PACS2: variants seen among roughly 807,000 people sequenced by gnomAD.
The protein encoded by PACS2 is PACS1-like protein.
Under a neutral mutation model 113.0 loss-of-function variants are expected in PACS2, and 36 were observed. The observed-to-expected ratio is 0.32, with a 90% CI of 0.24 to 0.42. PACS2 has a LOEUF of 0.42. Among genes scored for constraint, PACS2 ranks in the 10% least tolerant of loss-of-function variants. The pLI is 1.00. For synonymous variants in PACS2, 589 were observed against 536.1 expected, an observed-to-expected ratio of 1.10 and a Z score of -1.36; for missense variants, 1,015 against 1,239.5, an observed-to-expected ratio of 0.82 and a Z score of 2.72.
At chr14:105,370,036 C>G in intron 8 of PACS2, 136 bp downstream of exon 8, 1 of 767,006 alleles carries the variant, frequency 1.3e-6, no homozygotes, top group Non-Finnish European at 2.1e-6. Context: ...CAGCATCGCA[C>G]AGTCTGCGAG....
rs1414747254 is a variant in PACS2, at chr14:105,390,822, G to A, written c.2077-385G>A. The A allele has an allele frequency of 1.4e-5, 4 of 289,608 alleles. No homozygotes were observed. The Admixed American group carries it at 1.9e-4, about 14-fold the overall frequency. 17.9% of individuals were successfully genotyped at this position (289,608 alleles called of 1,614,324 possible). The stretch of plus-strand genomic sequence containing the variant: ...AACCAAGGCCCTGCGGTGTCACTGG[G>A]ATTCACGGTAGATCTACGTAGCCGC... On this transcript the variant is annotated intron_variant, in intron 20 of 24. Transcript: ENST00000447393.
chr14:105,308,209 C>T (rs1006990973), intron 1 of PACS2, among the ~76,000 whole-genome samples: 1 of 151,684 alleles, frequency 6.6e-6, no homozygotes, highest in Admixed American at 6.6e-5. Flanking sequence ...AGGCCGGGCA[C>T]AGTGGCTCAC....
chr14:105,336,877 A>G (rs1435535742), intron 1 of PACS2, among the ~76,000 whole-genome samples: 2 of 152,170 alleles, frequency 1.3e-5, no homozygotes, highest in East Asian at 3.8e-4. Context: ...TAGCAGTTGC[A>G]CTTCTCAGTA....
chr14:105,312,504 C>T (rs2058374049), upstream of PACS2, among the ~76,000 whole-genome samples: 1 of 152,168 alleles, frequency 6.6e-6, no homozygotes, highest in Non-Finnish European at 1.5e-5. Flanking sequence ...AAACCAAGTT[C>T]CTGCTTTAAA....
intron 1 of PACS2, among the ~76,000 whole-genome samples, chr14:105,322,287 T>C (rs959127056): frequency 3.3e-5 from 5 of 151,418 alleles, no homozygotes; most frequent in African/African-American, 1.2e-4. Flanking sequence ...TCTTTTGAGA[T>C]GGAGTCTTGC....
intron 1 of PACS2, among the ~76,000 whole-genome samples, chr14:105,336,075 G>A (rs1174650961): frequency 6.6e-6 from 1 of 152,212 alleles, no homozygotes; most frequent in Admixed American, 6.5e-5. Flanking sequence ...GCCGCCACAG[G>A]CCCCCAGCTC....
At chr14:105,319,953 T>G (rs2058826869) in intron 1 of PACS2, among the ~76,000 whole-genome samples, 1 of 152,258 alleles carries the variant, frequency 6.6e-6, no homozygotes, top group Non-Finnish European at 1.5e-5. Context: ...ATTACTATTG[T>G]GGTAAATTAC....
chr14:105,349,849 TGC>T (rs1566927843), intron 2 of PACS2, among the ~76,000 whole-genome samples: 6 of 135,588 alleles, frequency 4.4e-5, no homozygotes, highest in Admixed American at 1.4e-4. Context: ...GCGTGGCTAA[TGC>T]AGGACCCGGA....
chr14:105,367,139 C>A, intron 4 of PACS2, 74 bp from the exon 5 acceptor site: 1 of 1,406,530 alleles, frequency 7.1e-7, no homozygotes, highest in South Asian at 1.2e-5. Flanking sequence ...CTTCAGAAAC[C>A]CCAGCCCACA....
intron 1 of PACS2, among the ~76,000 whole-genome samples, chr14:105,338,467 TC>T (rs1250987299): frequency 1.3e-5 from 2 of 152,164 alleles, no homozygotes; most frequent in African/African-American, 4.8e-5. Flanking sequence ...CCCACCTTGT[TC>T]CTTGGGCCTC....
chr14:105,364,985 A>G (rs1555407607), intron 4 of PACS2, among the ~76,000 whole-genome samples: 1 of 152,196 alleles, frequency 6.6e-6, no homozygotes, highest in East Asian at 1.9e-4. Flanking sequence ...GGCGTGAACC[A>G]TTATGCCCGG....
In PACS2 at chr14:105,382,072, G is replaced by T; in HGVS notation, c.1413+14G>T. 1 of 1,544,068 alleles carries T rather than the reference G, an allele frequency of 6.5e-7. No individual in the cohort carries two copies. The highest frequency in any genetic ancestry group is 8.7e-7 in the Non-Finnish European group (1 of 1,144,662). ...GTGCAGCTGCAGGTGGGGGTGGAGG[G>T]CGTGGCACGCCCAGGAGGCAGGGCT... On this transcript the variant is annotated intron_variant, in intron 13 of 24. Transcript: ENST00000447393.
Position 105,365,421 on chromosome 14 carries a change from G to A in PACS2, c.424-1792G>A, listed in dbSNP as rs1411358041. ...AGGTCGACCACAGGCTGAGTGGAGCGGGGGCTAATCAACAACCCGCCCCTG... is the reference window on the plus strand; with the variant it reads ...AGGTCGACCACAGGCTGAGTGGAGCAGGGGCTAATCAACAACCCGCCCCTG... On this transcript the variant is annotated intron_variant, in intron 4 of 24. Transcript: ENST00000447393. This position sits in a 1 kb window ranked among gnomAD's most constrained non-coding sequence, Gnocchi z 5.1. Among the ~76,000 whole-genome samples, 6 of 152,114 alleles carry A rather than the reference G, an allele frequency of 3.9e-5. No individual in the cohort carries two copies. Among genetic ancestry groups the A allele is most frequent in the African/African-American group, 9.7e-5 (4 of 41,424 alleles).
intron 7 of PACS2, among the ~76,000 whole-genome samples, chr14:105,369,589 G>A (rs1555408833): frequency 6.6e-6 from 1 of 152,194 alleles, no homozygotes; most frequent in East Asian, 1.9e-4. Context: ...AAGGGCTGCA[G>A]AGGCTTCTGG....
At chr14:105,377,025 G>A (rs1203335244) in intron 9 of PACS2, 100 bp downstream of exon 9, 1 of 1,297,730 alleles carries the variant, frequency 7.7e-7, no homozygotes, top group East Asian at 2.5e-5. Context: ...TGGAGACGGG[G>A]TGGGCAGGGC....
upstream of PACS2, chr14:105,314,696 G>GGGGGCGCGCGGGGCGCGGGC (rs2058480258): frequency 7.0e-6 from 1 of 142,658 alleles, no homozygotes; most frequent in Admixed American, 6.9e-5. Context: ...CGGGGCGGCC[G>GGGGGCGCGCGGGGCGCGGGC]GGGGCGCGCG....
chr14:105,359,069 G>A (rs1321126083), intron 4 of PACS2, among the ~76,000 whole-genome samples: 1 of 152,104 alleles, frequency 6.6e-6, no homozygotes, highest in East Asian at 1.9e-4. Flanking sequence ...TCCAGGGCCT[G>A]GTCACACACA....
intron 1 of PACS2, among the ~76,000 whole-genome samples, chr14:105,307,037 A>G (rs201039478): frequency 6.7e-6 from 1 of 149,796 alleles, no homozygotes; most frequent in South Asian, 2.1e-4. Context: ...TATTTACTTT[A>G]TTTTTTCTTT....
chr14:105,374,171 A>G (rs901213047), intron 8 of PACS2, among the ~76,000 whole-genome samples: 1 of 151,682 alleles, frequency 6.6e-6, no homozygotes, highest in Non-Finnish European at 1.5e-5. Context: ...AAAAAAAAAA[A>G]CTTGAAATGG....
Sources: gnomAD v4.1 joint callset for allele counts (sites outside exome capture counted in the v4.1 genomes callset) on GRCh38, gnomAD v4.1.1 for gene constraint, Gnocchi (gnomAD v3.1) non-coding constraint, MANE v1.5 for transcripts, NCBI Gene and HGNC (gene_info 2026-07-23, HGNC 2026-07-21) for gene names.